OR9Q1: variants seen among roughly 807,000 people sequenced by gnomAD.
OR9Q1 encodes olfactory receptor family 9 subfamily Q member 1.
For synonymous variants in OR9Q1, 153 were observed against 148.6 expected (o/e 1.03, Z -0.22); for missense variants, 374 against 378.8 (o/e 0.99, Z 0.11).
intron 2 of OR9Q1, among the ~76,000 whole-genome samples, chr11:58,155,329 A>G (rs1013683895): frequency 2.0e-5 from 3 of 152,212 alleles, no homozygotes; most frequent in Non-Finnish European, 4.4e-5. Context: ...GCAGAAAAAA[A>G]TACCTTGACG....
intron 2 of OR9Q1, among the ~76,000 whole-genome samples, chr11:58,125,730 G>A (rs1369036744): frequency 6.6e-6 from 1 of 152,126 alleles, no homozygotes; most frequent in Non-Finnish European, 1.5e-5. Context: ...TTCAGCAGAG[G>A]CTCATTATCT....
At chr11:58,077,246 C>T (rs1023154823) in intron 2 of OR9Q1, 1 of 152,178 alleles carries the variant, frequency 6.6e-6, no homozygotes, top group Non-Finnish European at 1.5e-5. Flanking sequence ...AACAACTGAT[C>T]TTGCAAGTTT....
At chr11:58,037,990 C>T (rs1853125186) in intron 1 of OR9Q1, among the ~76,000 whole-genome samples, 1 of 145,602 alleles carries the variant, frequency 6.9e-6, no homozygotes, top group South Asian at 2.2e-4. Context: ...CTCGGCCTCC[C>T]AAAGTGCTGG....
intron 2 of OR9Q1, among the ~76,000 whole-genome samples, chr11:58,133,844 C>T (rs1373481061): frequency 6.6e-6 from 1 of 152,176 alleles, no homozygotes; most frequent in East Asian, 1.9e-4. Context: ...GAACAATCTC[C>T]TTTGTGGATG....
chr11:58,035,001 A>C (rs577373294), intron 1 of OR9Q1, among the ~76,000 whole-genome samples: 1 of 151,362 alleles, frequency 6.6e-6, no homozygotes, highest in African/African-American at 2.4e-5. Context: ...CTAATTTTTA[A>C]ATTTCTTGTA....
intron 2 of OR9Q1, among the ~76,000 whole-genome samples, chr11:58,138,765 C>G (rs968549494): frequency 3.9e-5 from 6 of 152,262 alleles, no homozygotes; most frequent in African/African-American, 1.4e-4. Context: ...CCTCACTTAG[C>G]ATTTTTTGTG....
At chr11:58,080,010 G>T (rs376802328) in intron 2 of OR9Q1, among the ~76,000 whole-genome samples, 4 of 152,106 alleles carry the variant, frequency 2.6e-5, no homozygotes, top group African/African-American at 9.7e-5. Context: ...CTACAAAAAC[G>T]ATTTTCTTTT....
intron 2 of OR9Q1, among the ~76,000 whole-genome samples, chr11:58,068,983 A>C (rs1036319481): frequency 3.9e-5 from 6 of 152,046 alleles, no homozygotes; most frequent in Admixed American, 1.3e-4. Flanking sequence ...TCAGAAAGGG[A>C]GAGCAAATGG....
At chr11:58,134,556 G>A (rs1162375825) in intron 2 of OR9Q1, among the ~76,000 whole-genome samples, 4 of 152,194 alleles carry the variant, frequency 2.6e-5, no homozygotes, top group African/African-American at 7.2e-5. Flanking sequence ...GAGAGCAGAT[G>A]GGTCAGAGTG....
At chr11:58,169,209 G>GT (rs1202810119) in intron 2 of OR9Q1, among the ~76,000 whole-genome samples, 1 of 152,066 alleles carries the variant, frequency 6.6e-6, no homozygotes, top group Non-Finnish European at 1.5e-5. Flanking sequence ...TTGCTTTGTT[G>GT]TTTTTTCCCC....
chr11:58,108,521 G>A (rs1853864779), intron 2 of OR9Q1, among the ~76,000 whole-genome samples: 1 of 152,098 alleles, frequency 6.6e-6, no homozygotes. Context: ...AAAAATGGAG[G>A]TAGAGGAAGT....
intron 2 of OR9Q1, among the ~76,000 whole-genome samples, chr11:58,152,089 A>G (rs1854358744): frequency 6.6e-6 from 1 of 152,130 alleles, no homozygotes; most frequent in African/African-American, 2.4e-5. Context: ...GAAATTACAG[A>G]TGGAGTAGTG....
chr11:58,119,189 C>T (rs781370384), intron 2 of OR9Q1: 1 of 1,613,936 alleles, frequency 6.2e-7, no homozygotes, highest in Non-Finnish European at 8.5e-7. Flanking sequence ...TTGCCTGTGG[C>T]CAATGTGGCT....
intron 2 of OR9Q1, among the ~76,000 whole-genome samples, chr11:58,115,218 T>C (rs1853941392): frequency 6.6e-6 from 1 of 152,200 alleles, no homozygotes; most frequent in Non-Finnish European, 1.5e-5. Context: ...AACATATGTA[T>C]TGATATACGT....
intron 2 of OR9Q1, among the ~76,000 whole-genome samples, chr11:58,106,577 C>T (rs1853842454): frequency 6.6e-6 from 1 of 151,996 alleles, no homozygotes; most frequent in South Asian, 2.1e-4. Context: ...CTGGCAAGAC[C>T]AATGTCATGA....
At chr11:58,095,219 C>T (rs1273599421) in intron 2 of OR9Q1, among the ~76,000 whole-genome samples, 4 of 152,200 alleles carry the variant, frequency 2.6e-5, no homozygotes, top group Non-Finnish European at 4.4e-5. Context: ...TACCTAAAAG[C>T]CTGCCAATGG....
chr11:58,079,414 T>C (rs964084031), intron 2 of OR9Q1, among the ~76,000 whole-genome samples: 1 of 152,176 alleles, frequency 6.6e-6, no homozygotes, highest in Non-Finnish European at 1.5e-5. Flanking sequence ...ATATACTTTT[T>C]AGAGTATTCA....
At chr11:58,105,847 A>C (rs1853834712) in intron 2 of OR9Q1, among the ~76,000 whole-genome samples, 1 of 151,952 alleles carries the variant, frequency 6.6e-6, no homozygotes, top group Admixed American at 6.6e-5. Flanking sequence ...TCTATACCAC[A>C]TTTGGTTTAC....
chr11:58,074,245 A>G (rs964986694), intron 2 of OR9Q1, among the ~76,000 whole-genome samples: 1 of 151,080 alleles, frequency 6.6e-6, no homozygotes, highest in Non-Finnish European at 1.5e-5. Context: ...GAATCACCAC[A>G]CTCTCCACTT....
Sources: gnomAD v4.1 joint callset for allele counts (sites outside exome capture counted in the v4.1 genomes callset) on GRCh38, gnomAD v4.1.1 for gene constraint, MANE v1.5 for transcripts, NCBI Gene and HGNC (gene_info 2026-07-23, HGNC 2026-07-21) for gene names.